Variants in SHISA6 observed in about 807,000 individuals in gnomAD.
SHISA6 encodes shisa family member 6, also known as protein shisa-6.
In SHISA6, 22 loss-of-function variants were observed where a neutral mutation model predicts 47.9. The observed-to-expected ratio is 0.46, with a 90% CI of 0.33 to 0.66. The LOEUF (loss-of-function observed/expected upper bound fraction) is 0.66. Ranked by LOEUF, SHISA6 falls within the 30% of genes least tolerant of loss-of-function variation. The pLI is 0.02. For missense variants in SHISA6, 680 were observed against 764.6 expected (o/e 0.89, Z 1.30); for synonymous variants, 388 against 337.8 (o/e 1.15, Z -1.63).
At chr17:11,258,419 A>G (rs962943524) in intron 1 of SHISA6, among the ~76,000 whole-genome samples, 1 of 152,214 alleles carries the variant, frequency 6.6e-6, no homozygotes, top group African/African-American at 2.4e-5. Context: ...TGAGATTTAA[A>G]AGAATTACCA....
chr17:11,271,149 G>A (rs561202340), intron 2 of SHISA6, among the ~76,000 whole-genome samples: 1 of 152,130 alleles, frequency 6.6e-6, no homozygotes, highest in East Asian at 1.9e-4. Context: ...AGGGGTGAAG[G>A]GTGGGGGGAA....
intron 3 of SHISA6, among the ~76,000 whole-genome samples, chr17:11,521,640 A>C (rs993083912): frequency 6.6e-6 from 1 of 151,586 alleles, no homozygotes; most frequent in East Asian, 2.0e-4. Flanking sequence ...CCCCATCTCT[A>C]CAAAAAACAA....
chr17:11,393,241 C>G (rs1041825065), intron 3 of SHISA6, among the ~76,000 whole-genome samples: 2 of 152,228 alleles, frequency 1.3e-5, no homozygotes, highest in African/African-American at 4.8e-5. Flanking sequence ...AAGCAGCACT[C>G]TACACACTGC....
chr17:11,402,141 T>A (rs1913795693), intron 3 of SHISA6, among the ~76,000 whole-genome samples: 1 of 152,168 alleles, frequency 6.6e-6, no homozygotes, highest in Non-Finnish European at 1.5e-5. Flanking sequence ...TCCTTGTCCA[T>A]TGTTTAGCAT....
intron 3 of SHISA6, among the ~76,000 whole-genome samples, chr17:11,522,623 C>T (rs2071640472): frequency 6.6e-6 from 1 of 152,128 alleles, no homozygotes; most frequent in Non-Finnish European, 1.5e-5. Flanking sequence ...CTCCATGTAG[C>T]TATTTACTGG....
intron 3 of SHISA6, among the ~76,000 whole-genome samples, chr17:11,471,451 A>C (rs954001610): frequency 6.6e-6 from 1 of 152,186 alleles, no homozygotes; most frequent in African/African-American, 2.4e-5. Context: ...GTGGATTTGC[A>C]GTGCTGATGG....
rs1179040175 is a variant in SHISA6, at chr17:11,551,944, C to T, written c.944C>T (p.Pro315Leu). ...HPILSSVTQIPPHEKPRMNNI... is the reference protein window; with the variant it reads ...HPILSSVTQILPHEKPRMNNI... Reference sequence around the variant, plus strand: ...ATTTTGAGCAGTGTTACCCAGATCCCGCCACATGGTGAGAGATGATTGAGA... The same window carrying T: ...ATTTTGAGCAGTGTTACCCAGATCCTGCCACATGGTGAGAGATGATTGAGA... Residue 315 changes from proline to leucine, a missense_variant, in exon 4 of 6, where the codon CCG becomes CTG. Transcript: ENST00000441885. 18 of 1,551,538 alleles carry T rather than the reference C, an allele frequency of 1.2e-5. No individual in the cohort carries two copies. The highest frequency in any genetic ancestry group is 7.8e-5 in the Admixed American group (4 of 50,982).
At chr17:11,350,934 C>T (rs1314858637) in intron 2 of SHISA6, among the ~76,000 whole-genome samples, 2 of 152,160 alleles carry the variant, frequency 1.3e-5, no homozygotes, top group Non-Finnish European at 2.9e-5. Flanking sequence ...AAATGTGGCA[C>T]ATATACACCA....
At chr17:11,428,875 G>C (rs201070314) in intron 3 of SHISA6, among the ~76,000 whole-genome samples, 2 of 148,848 alleles carry the variant, frequency 1.3e-5, no homozygotes, top group East Asian at 2.0e-4. Flanking sequence ...AGCTCCGCCT[G>C]CCGGGTTCAT....
chr17:11,274,127 A>C (rs932937899), intron 2 of SHISA6, among the ~76,000 whole-genome samples: 1 of 152,170 alleles, frequency 6.6e-6, no homozygotes, highest in Non-Finnish European at 1.5e-5. Context: ...TGGTGGCTGC[A>C]CAGGCTTGGC....
chr17:11,298,309 A>G (rs1021595159), intron 2 of SHISA6, among the ~76,000 whole-genome samples: 1 of 152,160 alleles, frequency 6.6e-6, no homozygotes, highest in Non-Finnish European at 1.5e-5. Context: ...GACACACAAT[A>G]AGAGAGGCTG....
At chr17:11,479,186 C>T (rs994292341) in intron 3 of SHISA6, among the ~76,000 whole-genome samples, 16 of 151,612 alleles carry the variant, frequency 1.1e-4, no homozygotes, top group Admixed American at 2.0e-4. Flanking sequence ...TGCAGTGAGC[C>T]GAAATAGCGC....
intron 3 of SHISA6, among the ~76,000 whole-genome samples, chr17:11,467,522 G>A (rs1915839143): frequency 6.6e-6 from 1 of 152,156 alleles, no homozygotes; most frequent in African/African-American, 2.4e-5. Flanking sequence ...AAAAGCTAGA[G>A]GAAAGTGAGA....
chr17:11,499,922 A>G (rs113219940), intron 3 of SHISA6, among the ~76,000 whole-genome samples: 1,773 of 152,164 alleles, frequency 0.012, 27 homozygotes, highest in African/African-American at 0.04. Flanking sequence ...GGCTGATCTC[A>G]AATTCCTGGC....
chr17:11,376,161 G>A (rs1053932071), intron 2 of SHISA6, among the ~76,000 whole-genome samples: 5 of 152,068 alleles, frequency 3.3e-5, no homozygotes, highest in African/African-American at 1.2e-4. Flanking sequence ...CAAGGAAGGG[G>A]GTGGTTCTTT....
At chr17:11,504,463 A>T (rs2071481521) in intron 3 of SHISA6, among the ~76,000 whole-genome samples, 2 of 152,178 alleles carry the variant, frequency 1.3e-5, no homozygotes, top group African/African-American at 4.8e-5. Flanking sequence ...ACTCATTTAG[A>T]AGAGACTTGT....
chr17:11,469,533 A>G (rs1915888432), intron 3 of SHISA6, among the ~76,000 whole-genome samples: 1 of 152,188 alleles, frequency 6.6e-6, no homozygotes, highest in Non-Finnish European at 1.5e-5. Flanking sequence ...GACCACAGCA[A>G]TAGGAAATTA....
intron 2 of SHISA6, among the ~76,000 whole-genome samples, chr17:11,279,277 T>C (rs954688494): frequency 6.6e-6 from 1 of 152,158 alleles, no homozygotes; most frequent in Admixed American, 6.5e-5. Flanking sequence ...CTGCTTAACC[T>C]TGCTGGGTCT....
intron 1 of SHISA6, among the ~76,000 whole-genome samples, chr17:11,255,320 G>A (rs1907966046): frequency 6.6e-6 from 1 of 151,956 alleles, no homozygotes; most frequent in Admixed American, 6.6e-5. Context: ...AGAAGGAAGA[G>A]AAAAATGAAG....
Sources: gnomAD v4.1 joint callset for allele counts (sites outside exome capture counted in the v4.1 genomes callset) on GRCh38, gnomAD v4.1.1 for gene constraint, MANE v1.5 for transcripts, NCBI Gene and HGNC (gene_info 2026-07-23, HGNC 2026-07-21) for gene names.